The following RBFOX1 variants were observed in gnomAD, a reference collection of about 807,000 sequenced individuals.
The protein encoded by RBFOX1 is RNA binding protein fox-1 homolog 1.
RBFOX1 carries 8 observed loss-of-function variants against 57.7 expected under a neutral mutation model. The observed-to-expected ratio is 0.14, with a 90% CI of 0.08 to 0.25. The LOEUF (loss-of-function observed/expected upper bound fraction) is 0.25, where lower values mean the gene tolerates loss of function less well. Among genes scored for constraint, RBFOX1 ranks in the 10% least tolerant of loss-of-function variants. RBFOX1 has a pLI of 1.00. For missense variants in RBFOX1, 611 were observed against 548.5 expected (o/e 1.11, Z -1.14); for synonymous variants, 326 against 222.4 (o/e 1.47, Z -4.15).
chr16:6,231,476 A>G (rs769695037), intron 1 of RBFOX1, among the ~76,000 whole-genome samples: 8 of 152,156 alleles, frequency 5.3e-5, no homozygotes, highest in Non-Finnish European at 8.8e-5. Flanking sequence ...TGGAGATATA[A>G]TTGAGGAGCA....
intron 3 of RBFOX1, among the ~76,000 whole-genome samples, chr16:7,000,603 T>TTC (rs2092702642): frequency 7.7e-6 from 1 of 130,228 alleles, no homozygotes; most frequent in Non-Finnish European, 1.6e-5. Flanking sequence ...TTTCTTTTTT[T>TTC]TTTTTTTTTT....
intron 4 of RBFOX1, among the ~76,000 whole-genome samples, chr16:7,165,825 A>G (rs958825504): frequency 6.6e-6 from 1 of 152,010 alleles, no homozygotes; most frequent in African/African-American, 2.4e-5. Context: ...GCCTTCTGCT[A>G]GACCAGGAAT....
intron 4 of RBFOX1, among the ~76,000 whole-genome samples, chr16:7,086,721 T>TACACACACACACACACACAC (rs71280731): frequency 4.4e-4 from 66 of 149,584 alleles, no homozygotes; most frequent in African/African-American, 1.6e-3. Context: ...GAAGAATGTA[T>TACACACACACACACACACAC]ACACACACAC....
intron 4 of RBFOX1, among the ~76,000 whole-genome samples, chr16:7,154,233 C>A (rs996296480): frequency 6.6e-6 from 1 of 152,170 alleles, no homozygotes; most frequent in East Asian, 1.9e-4. Flanking sequence ...CTTGGAGGAT[C>A]TTCATTCAGT....
chr16:5,413,748 A>G (rs1459883125), intron 1 of RBFOX1, among the ~76,000 whole-genome samples: 2 of 152,202 alleles, frequency 1.3e-5, no homozygotes, highest in Non-Finnish European at 2.9e-5. Flanking sequence ...TGGGACAGGA[A>G]AAGTAGTAGG....
At chr16:5,368,093 A>G (rs1596689371) in intron 1 of RBFOX1, among the ~76,000 whole-genome samples, 1 of 152,246 alleles carries the variant, frequency 6.6e-6, no homozygotes, top group East Asian at 1.9e-4. Context: ...AGTTCAGCCC[A>G]TTAGATTTGT....
chr16:5,612,685 A>G (rs1179391770), intron 3 of RBFOX1, among the ~76,000 whole-genome samples: 1 of 152,244 alleles, frequency 6.6e-6, no homozygotes, highest in Non-Finnish European at 1.5e-5. Flanking sequence ...TAGCATGTGC[A>G]AAGGCCCTGT....
intron 4 of RBFOX1, among the ~76,000 whole-genome samples, chr16:7,296,753 C>G (rs541277809): frequency 5.6e-4 from 85 of 152,270 alleles, no homozygotes; most frequent in African/African-American, 1.9e-3. Context: ...CTGGGCCTTT[C>G]TTTCGGGTGC....
chr16:5,830,813 A>G (rs2056239310), intron 3 of RBFOX1, among the ~76,000 whole-genome samples: 1 of 152,080 alleles, frequency 6.6e-6, no homozygotes, highest in Non-Finnish European at 1.5e-5. Flanking sequence ...TAAATAGCTC[A>G]GGGTCTTCAG....
chr16:7,335,031 C>T (rs897047230), intron 4 of RBFOX1, among the ~76,000 whole-genome samples: 4 of 152,166 alleles, frequency 2.6e-5, no homozygotes, highest in Non-Finnish European at 5.9e-5. Flanking sequence ...CAGAGAGAAA[C>T]TGGCTTTACT....
intron 1 of RBFOX1, among the ~76,000 whole-genome samples, chr16:5,370,130 A>G (rs535301882): frequency 1.3e-5 from 2 of 152,270 alleles, no homozygotes; most frequent in South Asian, 4.1e-4. Flanking sequence ...GCTCTTGTGC[A>G]TGTTCAGTCT....
intron 4 of RBFOX1, among the ~76,000 whole-genome samples, chr16:7,308,067 A>G (rs1414782218): frequency 6.6e-6 from 1 of 152,232 alleles, no homozygotes. Context: ...AGCTAGGTCA[A>G]AAGAGAACCT....
chr16:6,594,858 A>G (rs1208471898), intron 2 of RBFOX1, among the ~76,000 whole-genome samples: 3 of 152,110 alleles, frequency 2.0e-5, no homozygotes, highest in South Asian at 2.1e-4. Context: ...GCGTGATCTC[A>G]GCTAACTGTA....
At chr16:5,881,849 ATACT>A (rs1408493634) in intron 4 of RBFOX1, among the ~76,000 whole-genome samples, 4 of 152,172 alleles carry the variant, frequency 2.6e-5, no homozygotes, top group Non-Finnish European at 5.9e-5. Flanking sequence ...ACATTTATAA[ATACT>A]TACTATGCAC....
chr16:7,433,611 G>A (rs137970776), intron 4 of RBFOX1, among the ~76,000 whole-genome samples: 216 of 152,300 alleles, frequency 1.4e-3, no homozygotes, highest in African/African-American at 5.0e-3. Flanking sequence ...CTGACTTCAC[G>A]TGTTTGAAGA....
intron 1 of RBFOX1, among the ~76,000 whole-genome samples, chr16:5,420,923 C>T (rs1212718078): frequency 3.1e-5 from 4 of 129,026 alleles, no homozygotes; most frequent in Admixed American, 3.1e-4. Flanking sequence ...CTCCACCCCT[C>T]CTCCTCCCCC....
intron 3 of RBFOX1, among the ~76,000 whole-genome samples, chr16:6,725,448 C>G (rs78858904): frequency 3.6e-3 from 555 of 152,192 alleles, no homozygotes; most frequent in African/African-American, 8.9e-3. Flanking sequence ...CTCACAATCC[C>G]CAACCTACCG....
intron 1 of RBFOX1, among the ~76,000 whole-genome samples, chr16:5,398,204 T>G (rs976270307): frequency 6.6e-6 from 1 of 152,170 alleles, no homozygotes; most frequent in African/African-American, 2.4e-5. Flanking sequence ...TATATGTGTG[T>G]ACATGTGTGG....
At chr16:5,421,194 G>A (rs745590279) in intron 1 of RBFOX1, among the ~76,000 whole-genome samples, 1 of 151,872 alleles carries the variant, frequency 6.6e-6, no homozygotes, top group African/African-American at 2.4e-5. Context: ...TTTTGGTAGA[G>A]ATGAGGTTTC....
Sources: allele counts gnomAD v4.1 joint callset (sites outside exome capture counted in the v4.1 genomes callset), GRCh38; gene constraint gnomAD v4.1.1; transcripts MANE v1.5; gene names NCBI Gene and HGNC (gene_info 2026-07-23, HGNC 2026-07-21).